The following TCF12 variants were observed in gnomAD, a reference collection of about 807,000 sequenced individuals.
TCF12 encodes transcription factor 12, also known as DNA-binding protein HTF4.
TCF12 carries 45 observed loss-of-function variants against 86.0 expected under a neutral mutation model. The ratio of observed to expected loss-of-function variants is 0.52; its 90% CI spans 0.41 to 0.67. The LOEUF is 0.67. TCF12 is among the 30% of genes least tolerant of loss of function. The probability of loss-of-function intolerance (pLI) is 0.00; values close to 1 mark genes in which losing one functional copy is unlikely to be tolerated. For synonymous variants in TCF12, 330 were observed against 299.6 expected, an observed-to-expected ratio of 1.10 and a Z score of -1.05; for missense variants, 881 against 859.9, an observed-to-expected ratio of 1.02 and a Z score of -0.31.
intron 3 of TCF12, among the ~76,000 whole-genome samples, chr15:57,000,390 CT>C (rs2063956038): frequency 6.6e-6 from 1 of 151,424 alleles, no homozygotes; most frequent in Non-Finnish European, 1.5e-5. Context: ...GATGATATTA[CT>C]TTTCTAAATA....
chr15:57,084,803 A>G (rs1441117221), intron 4 of TCF12, among the ~76,000 whole-genome samples: 1 of 152,066 alleles, frequency 6.6e-6, no homozygotes, highest in Non-Finnish European at 1.5e-5. Context: ...TGTATATTAA[A>G]TGTATATTAA....
chr15:56,948,148 A>T (rs1230206714), intron 3 of TCF12, among the ~76,000 whole-genome samples: 3 of 150,422 alleles, frequency 2.0e-5, no homozygotes, highest in African/African-American at 7.4e-5. Context: ...TTGAGATGGG[A>T]TCTCACTCTG....
intron 16 of TCF12, among the ~76,000 whole-genome samples, chr15:57,254,362 C>T (rs990549329): frequency 1.3e-4 from 20 of 152,134 alleles, no homozygotes; most frequent in African/African-American, 4.6e-4. Flanking sequence ...CATACATACA[C>T]TCATTTTTGA....
At chr15:57,233,138 A>T (rs1395535961) in intron 11 of TCF12, among the ~76,000 whole-genome samples, 1 of 149,400 alleles carries the variant, frequency 6.7e-6, no homozygotes, top group Non-Finnish European at 1.5e-5. Context: ...GTATATATGT[A>T]TATATATGTG....
At chr15:57,131,220 G>T (rs2151346099) in intron 5 of TCF12, among the ~76,000 whole-genome samples, 1 of 152,260 alleles carries the variant, frequency 6.6e-6, no homozygotes, top group African/African-American at 2.4e-5. Context: ...AGCTTTGAAT[G>T]CTGTTTAATT....
intron 3 of TCF12, among the ~76,000 whole-genome samples, chr15:57,043,683 G>A (rs538538458): frequency 6.4e-4 from 97 of 152,296 alleles, no homozygotes; most frequent in African/African-American, 2.3e-3. Context: ...CAAAGTAAAA[G>A]ATACTGAATT....
At chr15:57,002,516 T>G (rs2064109681) in intron 3 of TCF12, among the ~76,000 whole-genome samples, 1 of 152,218 alleles carries the variant, frequency 6.6e-6, no homozygotes, top group African/African-American at 2.4e-5. Flanking sequence ...CTACCTATGT[T>G]GATTGACTAT....
chr15:56,958,676 AGAGTGTGTGT>A (rs1388449137), intron 3 of TCF12, among the ~76,000 whole-genome samples: 10 of 92,596 alleles, frequency 1.1e-4, no homozygotes, highest in East Asian at 4.4e-4. Context: ...AGAGAGAGAG[AGAGTGTGTGT>A]GTGTGTGTGT....
At chr15:57,278,166 T>C (rs1032297431) in intron 19 of TCF12, among the ~76,000 whole-genome samples, 10 of 152,092 alleles carry the variant, frequency 6.6e-5, no homozygotes, top group Admixed American at 3.9e-4. Flanking sequence ...CTGGAACATA[T>C]GCTTTAACCA....
At chr15:57,000,381 A>G (rs1232884633) in intron 3 of TCF12, among the ~76,000 whole-genome samples, 1 of 151,608 alleles carries the variant, frequency 6.6e-6, no homozygotes, top group African/African-American at 2.4e-5. Flanking sequence ...AAAATAAGGG[A>G]TGATATTACT....
rs1466729233 is a variant in TCF12 at position 57,159,601 on chromosome 15, TACAC to T, written c.326-6798_326-6795del. ...TAAATATGGAAAAGCTCACATGACT[TACAC>T]ACTGAAATATTTCATTTTGAACATA... On this transcript the variant is annotated intron_variant, in intron 5 of 20. Coordinates refer to ENST00000333725, the MANE Select transcript of TCF12 (RefSeq NM_207037.2). 5.3e-5 allele frequency among the ~76,000 whole-genome samples: 8 copies of T among 152,240 alleles called. No homozygotes were observed. In the East Asian group the frequency reaches 1.5e-3, roughly 29 times the overall value.
At chr15:57,084,904 C>T (rs74018496) in intron 4 of TCF12, among the ~76,000 whole-genome samples, 7,181 of 152,066 alleles carry the variant, frequency 0.047, 340 homozygotes, top group African/African-American at 0.13. Context: ...TTAGAATAAA[C>T]TGTTTCCTAA....
intron 3 of TCF12, among the ~76,000 whole-genome samples, chr15:56,997,042 A>G (rs1476440059): frequency 6.6e-6 from 1 of 152,322 alleles, no homozygotes; most frequent in South Asian, 2.1e-4. Flanking sequence ...AAATTATTTC[A>G]GCCATTGTGG....
At chr15:57,089,659 A>C (rs1458154873) in intron 4 of TCF12, among the ~76,000 whole-genome samples, 1 of 151,936 alleles carries the variant, frequency 6.6e-6, no homozygotes, top group Non-Finnish European at 1.5e-5. Context: ...GGAGGATACA[A>C]AATTGCTCTT....
intron 8 of TCF12, among the ~76,000 whole-genome samples, chr15:57,208,047 T>TA (rs1275248112): frequency 6.6e-6 from 1 of 151,770 alleles, no homozygotes; most frequent in Non-Finnish European, 1.5e-5. Flanking sequence ...TTTTTTTTTT[T>TA]TTTAAAGACA....
At chr15:57,083,018 A>G (rs1287022379) in intron 4 of TCF12, among the ~76,000 whole-genome samples, 1 of 152,210 alleles carries the variant, frequency 6.6e-6, no homozygotes, top group Admixed American at 6.5e-5. Flanking sequence ...AGCATACATC[A>G]GTCTTATATA....
chr15:57,070,344 TA>T (rs1174682148), intron 4 of TCF12, among the ~76,000 whole-genome samples: 1 of 152,092 alleles, frequency 6.6e-6, no homozygotes, highest in Non-Finnish European at 1.5e-5. Context: ...GACCAGTTGT[TA>T]AAAACAAAAA....
In TCF12 at chr15:57,256,543, TCCCCAC is replaced by T. The variant is rs879649715; in HGVS notation, c.1467+3091_1467+3096del. ...TGTGGTTTTACATTCTGGAATCGAT[TCCCCAC>T]CCCCACCCCCACCCCGCCCCACCTT... is the stretch of plus-strand genomic sequence containing the variant. On this transcript the variant is annotated intron_variant, in intron 16 of 20. Transcript: ENST00000333725. 4.3e-3 allele frequency among the ~76,000 whole-genome samples: 593 copies of T among 138,258 alleles called. 4 individuals carry two copies. The highest frequency in any genetic ancestry group is 0.015 in the African/African-American group (566 of 38,008). The allele number at this position is 138,258 out of a possible 152,430, so 90.7% of individuals were successfully genotyped here. A position where few individuals can be genotyped will look rare whatever the true frequency, so the allele number is the denominator to read the frequency against.
At chr15:57,103,760 C>T (rs2049923100) in intron 5 of TCF12, among the ~76,000 whole-genome samples, 2 of 152,040 alleles carry the variant, frequency 1.3e-5, no homozygotes, top group Non-Finnish European at 2.9e-5. Context: ...TTAAAACTTA[C>T]CTTTCAGACT....
Sources: gnomAD v4.1 joint callset for allele counts (sites outside exome capture counted in the v4.1 genomes callset) on GRCh38, gnomAD v4.1.1 for gene constraint, MANE v1.5 for transcripts, NCBI Gene and HGNC (gene_info 2026-07-23, HGNC 2026-07-21) for gene names.